The following ZNF648 variants were observed in gnomAD, a reference collection of about 807,000 sequenced individuals.
ZNF648 encodes the protein zinc finger protein 648.
A neutral mutation model predicts 0.3 loss-of-function variants in ZNF648; 1 was observed. The observed-to-expected ratio is 3.90, with a 90% CI of 1.39 to 18.51. The LOEUF is 18.51. Ranked by LOEUF, ZNF648 falls within the 30% of genes most tolerant of loss-of-function variation. ZNF648 has a pLI of 0.11. For synonymous variants in ZNF648, 376 were observed against 326.8 expected (o/e 1.15, Z -1.62); for missense variants, 874 against 769.7 (o/e 1.14, Z -1.60).
rs765737829 is a variant in ZNF648, at chr1:182,057,651, G to A, written c.360C>T (p.Ser120=). The change falls in exon 2 of 2, where the codon AGC becomes AGT. Residue 120 remains serine (S), a synonymous_variant. Coordinates refer to ENST00000339948, the MANE Select transcript of ZNF648 (RefSeq NM_001009992.1). The part of the protein sequence containing the change: ...INETQGSPGA[S]RALGSLPSGL... The stretch of plus-strand genomic sequence containing the variant: ...CACTGGGAAGGGAACCCAGAGCTCT[G>A]CTTGCTCCCGGGGAACCCTGGGTCT... 9.3e-6 allele frequency: 15 copies of A among 1,614,206 alleles called. No individual in the cohort carries two copies. The highest frequency in any genetic ancestry group is 1.2e-5 in the Non-Finnish European group (14 of 1,180,022).
chr1:182,068,344 A>G, the ZNF648 span: 63 of 152,356 alleles, frequency 4.1e-4, no homozygotes, highest in African/African-American at 1.5e-3. Flanking sequence ...TTACTATGTC[A>G]GTGTTTTTCA....
rs115942365 is a variant in ZNF648 at position 182,059,131 on chromosome 1, G to A, written c.-63-1058C>T. Among the ~76,000 whole-genome samples the A allele has an allele frequency of 1.9e-3, 286 of 152,270 alleles. 2 individuals carry two copies. Among genetic ancestry groups the A allele is most frequent in the African/African-American group, 6.5e-3 (269 of 41,560 alleles). ...CCACTGTGCCCTGCCAGTCGCATTTGTTTTATAGAAAATAGTATTAAAGTT... is the reference window on the plus strand; with the variant it reads ...CCACTGTGCCCTGCCAGTCGCATTTATTTTATAGAAAATAGTATTAAAGTT... On this transcript the variant is annotated intron_variant, in intron 1 of 1. Transcript: ENST00000339948.
rs1396412570 is a variant in ZNF648, at chr1:182,057,580, C to T, written c.431G>A (p.Arg144Gln). The T allele has an allele frequency of 1.9e-6, 3 of 1,614,082 alleles. No homozygotes were observed. The highest frequency in any genetic ancestry group is 1.7e-5 in the Admixed American group (1 of 60,010). ...GTATCCATCATCACCCGCAGGTAGTCGGTCCCCAAGAGGTTGCATCTGACC... is the reference window on the plus strand; with the variant it reads ...GTATCCATCATCACCCGCAGGTAGTTGGTCCCCAAGAGGTTGCATCTGACC... Reference protein sequence around the residue: ...LLGQMQPLGDRLPAGDDGYSG... With the variant: ...LLGQMQPLGDQLPAGDDGYSG... Residue 144 changes from arginine to glutamine, a missense_variant, in exon 2 of 2, where the codon CGA becomes CAA. Arg to Gln is a conservative substitution (Grantham distance 43). Transcript: ENST00000339948.
In ZNF648 at chr1:182,056,572, T is replaced by C. The variant is rs1665915018; in HGVS notation, c.1439A>G (p.Gln480Arg). 6.2e-7 allele frequency: 1 copy of C among 1,614,048 alleles called. No homozygotes were observed. The highest frequency in any genetic ancestry group is 8.5e-7 in the Non-Finnish European group (1 of 1,179,980). ...HTGERPFPCT[Q>R]CGQAFARSST... Reference sequence around the variant, plus strand: ...AGAGCGGGCAAAGGCCTGGCCACACTGCGTGCAAGGAAAGGGCCTCTCGCC... The same window carrying C: ...AGAGCGGGCAAAGGCCTGGCCACACCGCGTGCAAGGAAAGGGCCTCTCGCC... The change falls in exon 2 of 2, where the codon CAG (glutamine) becomes CGG (arginine). Residue 480 changes from glutamine (Q) to arginine (R), a missense_variant. Physicochemically the swap from Gln to Arg is conservative, Grantham distance 43. Coordinates refer to ENST00000339948, the MANE Select transcript of ZNF648 (RefSeq NM_001009992.1).
Position 182,057,970 on chromosome 1 carries a change from G to A in ZNF648, c.41C>T (p.Ser14Phe). The A allele has an allele frequency of 6.2e-7, 1 of 1,613,284 alleles. No homozygotes were observed. The highest frequency in any genetic ancestry group is 1.3e-5 in the African/African-American group (1 of 75,040). ...VDSQDRWGEA[S>F]PLSSLTEEAH... ...TTCCTCAGTCAAGCTGCTGAGAGGA[G>A]ACGCCTCTCCCCACCTGTCCTGGGA... Residue 14 changes from serine (S) to phenylalanine (F), a missense_variant, in exon 2 of 2, where the codon TCT becomes TTT. Ser to Phe is a radical substitution (Grantham distance 155, BLOSUM62 -2). Transcript: ENST00000339948.
chr1:182,057,103 C>T lies in ZNF648; in HGVS notation c.908G>A (p.Gly303Asp), dbSNP rs1665934945. The T allele has an allele frequency of 1.9e-6, 3 of 1,610,542 alleles. No individual in the cohort carries two copies. Among genetic ancestry groups the T allele is most frequent in the African/African-American group, 1.3e-5 (1 of 75,062 alleles). The part of the protein sequence containing the change: ...TLQQHRRLHT[G>D]ERPYQCSFCD... ...GAAGGAGCACTGGTAGGGCCGCTCG[C>T]CCGTGTGCAGGCGCCTGTGCTGCTG... The change falls in exon 2 of 2, where the codon GGC (glycine) becomes GAC (aspartate). Residue 303 changes from glycine (G) to aspartate (D), a missense_variant. Gly to Asp is a moderately conservative substitution (Grantham distance 94). Transcript: ENST00000339948.
At chr1:182,058,109 G>C (rs1367031658) in intron 1 of ZNF648, 36 bp from the exon 2 acceptor site, 5 of 1,417,654 alleles carry the variant, frequency 3.5e-6, no homozygotes, top group Non-Finnish European at 4.8e-6. Flanking sequence ...AAATCACAAA[G>C]AATGTACTTA....
At chr1:182,069,177 T>C in the ZNF648 span, 6 of 152,240 alleles carry the variant, frequency 3.9e-5, 1 homozygote, top group African/African-American at 1.4e-4. Flanking sequence ...GCCTGGCTTC[T>C]GACACAGCTG....
At chr1:182,063,169 A>C (rs1666052969), upstream of ZNF648, 1 of 152,232 alleles carries the variant, frequency 6.6e-6, no homozygotes, top group South Asian at 2.1e-4. Context: ...GAACATATGC[A>C]TGCATGTATC....
In ZNF648 at chr1:182,057,459, T is replaced by C. The variant is rs1665950752; in HGVS notation, c.552A>G (p.Ala184=). 2 of 1,614,116 alleles carry C rather than the reference T, an allele frequency of 1.2e-6. No homozygotes were observed. Among genetic ancestry groups the C allele is most frequent in the Admixed American group, 3.3e-5 (2 of 60,008 alleles). ...GGAAACACAACAGAGAAGAGTTCCC[T>C]GCGGACGTGTCTACACTTTTGTGCG... ...LCAHKSVDTS[A]GNSSLLCFPR... The change falls in exon 2 of 2, where the codon GCA becomes GCG. Residue 184 remains alanine (A), a synonymous_variant. Transcript: ENST00000339948.
At chr1:182,062,272 C>T (rs1276345265), upstream of ZNF648, among the ~76,000 whole-genome samples, 2 of 152,186 alleles carry the variant, frequency 1.3e-5, no homozygotes. Flanking sequence ...CCACTTTCAG[C>T]ATTGATTCCC....
At position 182,057,518 on chromosome 1, in the gene ZNF648, GTGGGACATCCAAGAC is replaced by G. The variant is rs1338495148; in HGVS notation, c.478_492del (p.Val160_Pro164del). The G allele has an allele frequency of 6.2e-7, 1 of 1,614,106 alleles. No individual in the cohort carries two copies. The highest frequency in any genetic ancestry group is 8.5e-7 in the Non-Finnish European group (1 of 1,180,064). ...TACTTTCCATTGCTGGGGAAGCTGGGTGGGACATCCAAGACTGCGTCCTGGTTTGCCCCCGAGTAT... is the reference window on the plus strand; with the variant it reads ...TACTTTCCATTGCTGGGGAAGCTGGGTGCGTCCTGGTTTGCCCCCGAGTAT... On this transcript the variant is annotated inframe_deletion, in exon 2 of 2. Coordinates refer to ENST00000339948, the MANE Select transcript of ZNF648 (RefSeq NM_001009992.1).
upstream of ZNF648, among the ~76,000 whole-genome samples, chr1:182,066,337 T>G (rs1666099479): frequency 1.3e-5 from 2 of 152,184 alleles, no homozygotes; most frequent in African/African-American, 4.8e-5. Flanking sequence ...TGAGCCACAC[T>G]GGCCTATGTT....
In ZNF648 at chr1:182,056,663, A is replaced by T; in HGVS notation, c.1348T>A (p.Cys450Ser). The T allele has an allele frequency of 6.2e-7, 1 of 1,607,218 alleles. No homozygotes were observed. The highest frequency in any genetic ancestry group is 8.5e-7 in the Non-Finnish European group (1 of 1,176,682). Residue 450 changes from cysteine (C) to serine (S), a missense_variant, in exon 2 of 2, where the codon TGC becomes AGC. By Grantham distance (112) the Cys-to-Ser change is moderately radical. Coordinates refer to ENST00000339948, the MANE Select transcript of ZNF648 (RefSeq NM_001009992.1). Reference sequence around the variant, plus strand: ...GCGAAGGCCACGCCGCAGTCAGCGCACTTGAAAGGCCTCTGGCCGGTGTGC... The same window carrying T: ...GCGAAGGCCACGCCGCAGTCAGCGCTCTTGAAAGGCCTCTGGCCGGTGTGC... The part of the protein sequence containing the change: ...TLHTGQRPFK[C>S]ADCGVAFAQP...
Position 182,056,896 on chromosome 1 carries a change from G to A in ZNF648, c.1115C>T (p.Thr372Ile). The A allele has an allele frequency of 6.3e-7, 1 of 1,586,424 alleles. No homozygotes were observed. Among genetic ancestry groups the A allele is most frequent in the Non-Finnish European group, 8.6e-7 (1 of 1,167,146 alleles). The change falls in exon 2 of 2, where the codon ACC becomes ATC. Residue 372 changes from threonine to isoleucine, a missense_variant. Coordinates refer to ENST00000339948, the MANE Select transcript of ZNF648 (RefSeq NM_001009992.1). Reference sequence around the variant, plus strand: ...CAGCAGCGACAGCGGCTTGTTGAAGGTCAGGCCGCACTCGGAGCACGGGAA... The same window carrying A: ...CAGCAGCGACAGCGGCTTGTTGAAGATCAGGCCGCACTCGGAGCACGGGAA... ...KPFPCSECGLTFNKPLSLLRH... is the reference protein window; with the variant it reads ...KPFPCSECGLIFNKPLSLLRH...
At chr1:182,059,363 G>C (rs1354664357) in intron 1 of ZNF648, among the ~76,000 whole-genome samples, 1 of 152,144 alleles carries the variant, frequency 6.6e-6, no homozygotes, top group African/African-American at 2.4e-5. Flanking sequence ...CCTGCTGGAG[G>C]ATTGGTTAAC....
Position 182,058,058 on chromosome 1 carries a change from G to T in ZNF648, c.-48C>A, listed in dbSNP as rs567057063. 114 of 1,534,704 alleles carry T rather than the reference G, an allele frequency of 7.4e-5. No individual in the cohort carries two copies. The South Asian group carries it at 1.3e-3, about 17-fold the overall frequency. On this transcript the variant is annotated 5_prime_UTR_variant, in exon 2 of 2. Coordinates refer to ENST00000339948, the MANE Select transcript of ZNF648 (RefSeq NM_001009992.1). Reference sequence around the variant, plus strand: ...CTACTCCTCTGAGGAGGAGTATCCTGCTTGGCTCAGGATACCTGCAAAAAG... The same window carrying T: ...CTACTCCTCTGAGGAGGAGTATCCTTCTTGGCTCAGGATACCTGCAAAAAG...
chr1:182,056,249 AT>A lies in ZNF648; in HGVS notation c.*54del. Reference sequence around the variant, plus strand: ...GCTGACCAGTGAGGCTGGCAATACCATGTGAGTGGGCCCACCTGGGAAGGTT... The same window carrying A: ...GCTGACCAGTGAGGCTGGCAATACCAGTGAGTGGGCCCACCTGGGAAGGTT... On this transcript the variant is annotated 3_prime_UTR_variant, in exon 2 of 2. Transcript: ENST00000339948. 1 of 1,548,778 alleles carries A rather than the reference AT, an allele frequency of 6.5e-7. No individual in the cohort carries two copies. Among genetic ancestry groups the A allele is most frequent in the Non-Finnish European group, 8.7e-7 (1 of 1,147,002 alleles).
At chr1:182,059,681 A>C (rs1665999319) in intron 1 of ZNF648, among the ~76,000 whole-genome samples, 1 of 151,834 alleles carries the variant, frequency 6.6e-6, no homozygotes, top group Non-Finnish European at 1.5e-5. Context: ...TCTGGCTAAC[A>C]CGGTGAAACC....
Sources: allele counts gnomAD v4.1 joint callset (sites outside exome capture counted in the v4.1 genomes callset), GRCh38; gene constraint gnomAD v4.1.1; transcripts MANE v1.5; gene names NCBI Gene and HGNC (gene_info 2026-07-23, HGNC 2026-07-21).